The following TMEM50B variants were observed in gnomAD, a reference collection of about 807,000 sequenced individuals.
The protein encoded by TMEM50B is HCV p7-trans-regulated protein 3.
Under a neutral mutation model 23.4 loss-of-function variants are expected in TMEM50B, and 14 were observed. The ratio of observed to expected loss-of-function variants is 0.60; its 90% confidence interval spans 0.39 to 0.93. The LOEUF is 0.93. Ranked by LOEUF, TMEM50B falls within the 40% of genes least tolerant of loss-of-function variation. The probability of loss-of-function intolerance (pLI) is 0.00; values close to 1 mark genes in which losing one functional copy is unlikely to be tolerated. For synonymous variants in TMEM50B, 64 were observed against 62.3 expected (o/e 1.03, Z -0.13); for missense variants, 159 against 193.0 (o/e 0.82, Z 1.04).
intron 3 of TMEM50B, 73 bp downstream of exon 3, chr21:33,466,937 G>A (rs2084269510): frequency 8.6e-7 from 1 of 1,160,754 alleles, no homozygotes. Context: ...AGTTATTCAA[G>A]AAAGCACTGC....
rs1197731070 is a variant in TMEM50B at position 33,449,182 on chromosome 21, A to G, written c.*1636T>C. 6.6e-6 allele frequency: 1 copy of G among 152,208 alleles called. No homozygotes were observed. Among genetic ancestry groups the G allele is most frequent in the African/African-American group, 2.4e-5 (1 of 41,460 alleles). The allele number at this position is 152,208 out of a possible 1,614,324, so 9.4% of individuals were successfully genotyped here. A position where few individuals can be genotyped will look rare whatever the true frequency, so the allele number is the denominator to read the frequency against. On this transcript the variant is annotated 3_prime_UTR_variant, in exon 7 of 7. Transcript: ENST00000542230. ...TTTATTGCAACAGGTTATGAGGTGG[A>G]AACAAATAATTAGTCTTACAATTTG... is the stretch of plus-strand genomic sequence containing the variant.
At chr21:33,455,427 C>T in intron 6 of TMEM50B, among the ~76,000 whole-genome samples, 1 of 152,142 alleles carries the variant, frequency 6.6e-6, no homozygotes, top group East Asian at 1.9e-4. Flanking sequence ...CTTAAGCAAT[C>T]CACCCACTTC....
rs191792822 is a variant in TMEM50B, at chr21:33,432,749, G to A, written c.*2174C>T. The A allele has an allele frequency of 1.1e-5, 17 of 1,614,136 alleles. 1 individual carries two copies. Among genetic ancestry groups the A allele is most frequent in the South Asian group, 6.6e-5 (6 of 91,086 alleles). ...GCTTCAGCAAGTCATCCTGATCTCC[G>A]TGGGAACATTTTCGTTGCTGTCGGT... is the stretch of plus-strand genomic sequence containing the variant. On this transcript the variant is annotated 3_prime_UTR_variant and NMD_transcript_variant, in exon 9 of 9. Transcript: ENST00000420455.
chr21:33,448,454 A>G (rs1193993075), downstream of TMEM50B, among the ~76,000 whole-genome samples: 1 of 152,002 alleles, frequency 6.6e-6, no homozygotes, highest in Non-Finnish European at 1.5e-5. Context: ...CCAGAACAGC[A>G]TAGTGAGACC....
chr21:33,442,335 G>A (rs1160504887), intron 7 of TMEM50B, among the ~76,000 whole-genome samples: 1 of 152,130 alleles, frequency 6.6e-6, no homozygotes, highest in African/African-American at 2.4e-5. Context: ...TGTGGTGAGG[G>A]AAAACAGCTG....
chr21:33,437,461 T>G (rs1167145292), intron 8 of TMEM50B: 1 of 154,932 alleles, frequency 6.5e-6, no homozygotes, highest in Non-Finnish European at 1.4e-5. Flanking sequence ...TCCTAGTAAT[T>G]TAAGATTTTG....
In TMEM50B at chr21:33,467,023, A is replaced by G. The variant is rs761096660; in HGVS notation, c.199T>C (p.Leu67=). The change falls in exon 3 of 7, where the codon TTG becomes CTG. Residue 67 remains leucine (L), a synonymous_variant. Transcript: ENST00000542230. The stretch of plus-strand genomic sequence containing the variant: ...CTTCATACTTACATGAAGAAAGCCA[A>G]TGTGGAAAATACACCACATGTGTGA... ...AFHTCGVFST[L]AFFMINAVSN... 4 of 1,613,690 alleles carry G rather than the reference A, an allele frequency of 2.5e-6. No homozygotes were observed. In the South Asian group the frequency reaches 4.4e-5, roughly 18 times the overall value.
chr21:33,470,859 C>T (rs1271571354), intron 1 of TMEM50B, among the ~76,000 whole-genome samples: 8 of 152,106 alleles, frequency 5.3e-5, no homozygotes, highest in African/African-American at 1.9e-4. Context: ...CACTGCACTC[C>T]AGCCTGGGCA....
chr21:33,471,225 C>T (rs997580022), intron 1 of TMEM50B, among the ~76,000 whole-genome samples: 1 of 152,254 alleles, frequency 6.6e-6, no homozygotes, highest in East Asian at 1.9e-4. Context: ...AAATATAAAA[C>T]CAAGTCTCCA....
intron 5 of TMEM50B, among the ~76,000 whole-genome samples, chr21:33,458,860 T>C (rs1266157479): frequency 6.6e-6 from 1 of 152,228 alleles, no homozygotes; most frequent in Non-Finnish European, 1.5e-5. Context: ...TAGATACAGT[T>C]GGTGACCAAT....
intron 6 of TMEM50B, among the ~76,000 whole-genome samples, chr21:33,454,621 G>A (rs1370168314): frequency 6.6e-6 from 1 of 151,852 alleles, no homozygotes; most frequent in Non-Finnish European, 1.5e-5. Context: ...TATTAATTCT[G>A]GTTTTTCCTT....
At chr21:33,440,930 C>A (rs2084003013) in intron 7 of TMEM50B, among the ~76,000 whole-genome samples, 1 of 151,686 alleles carries the variant, frequency 6.6e-6, no homozygotes, top group South Asian at 2.1e-4. Flanking sequence ...GTGTTTAAAT[C>A]ACATAAAATG....
chr21:33,443,536 C>G (rs1013439068), intron 7 of TMEM50B, among the ~76,000 whole-genome samples: 13 of 152,164 alleles, frequency 8.5e-5, no homozygotes, highest in African/African-American at 3.1e-4. Flanking sequence ...AAGACAAAGA[C>G]TGAAGAACCA....
intron 4 of TMEM50B, among the ~76,000 whole-genome samples, chr21:33,464,012 A>G (rs2834230): frequency 0.41 from 62,715 of 151,898 alleles, 15,013 homozygotes; most frequent in Non-Finnish European, 0.54. Flanking sequence ...TATACACGTG[A>G]TACCAAACCA....
intron 1 of TMEM50B, among the ~76,000 whole-genome samples, chr21:33,477,769 C>T (rs1279468276): frequency 6.6e-6 from 1 of 151,770 alleles, no homozygotes; most frequent in Admixed American, 6.6e-5. Context: ...CACGATAGCG[C>T]CATTGCACTC....
intron 4 of TMEM50B, among the ~76,000 whole-genome samples, chr21:33,463,722 A>G (rs2084237969): frequency 6.6e-6 from 1 of 152,308 alleles, no homozygotes; most frequent in African/African-American, 2.4e-5. Flanking sequence ...GATCAAGACC[A>G]GCCTGAACAA....
chr21:33,436,893 C>T lies in TMEM50B; in HGVS notation c.*2120+2321G>A, dbSNP rs1802585. 21 of 1,613,606 alleles carry T rather than the reference C, an allele frequency of 1.3e-5. No homozygotes were observed. Among genetic ancestry groups the T allele is most frequent in the South Asian group, 4.4e-5 (4 of 91,070 alleles). ...ACAAGGACAGCTCACCAAAGGATGA[C>T]GTCTGGGACTCTGTGTCCATTATCT... is the stretch of plus-strand genomic sequence containing the variant. On this transcript the variant is annotated intron_variant and NMD_transcript_variant, in intron 8 of 8. Coordinates refer to the TMEM50B transcript ENST00000420455.
chr21:33,441,692 C>T (rs2084010273), intron 7 of TMEM50B, among the ~76,000 whole-genome samples: 1 of 152,136 alleles, frequency 6.6e-6, no homozygotes, highest in Non-Finnish European at 1.5e-5. Flanking sequence ...GGCAGTGATG[C>T]AATCACAGCT....
At chr21:33,438,048 G>A (rs1192160958) in intron 8 of TMEM50B, among the ~76,000 whole-genome samples, 3 of 151,568 alleles carry the variant, frequency 2.0e-5, no homozygotes, top group Non-Finnish European at 4.4e-5. Flanking sequence ...ACTTTGGGAG[G>A]TCAAGATGGG....
Sources: gnomAD v4.1 joint callset for allele counts (sites outside exome capture counted in the v4.1 genomes callset) on GRCh38, gnomAD v4.1.1 for gene constraint, MANE v1.5 for transcripts, NCBI Gene and HGNC (gene_info 2026-07-23, HGNC 2026-07-21) for gene names.